The following ROBO2 variants were observed in gnomAD, a reference collection of about 807,000 sequenced individuals.
The protein encoded by ROBO2 is roundabout guidance receptor 2, also known as roundabout homolog 2.
A neutral mutation model predicts 160.8 loss-of-function variants in ROBO2; 53 were observed. That is an observed-to-expected ratio of 0.33 (90% CI 0.26 to 0.41). The LOEUF (loss-of-function observed/expected upper bound fraction) is 0.41, where lower values mean the gene tolerates loss of function less well. Among genes scored for constraint, ROBO2 ranks in the 10% least tolerant of loss-of-function variants. The probability of loss-of-function intolerance (pLI) is 1.00; values close to 1 mark genes in which losing one functional copy is unlikely to be tolerated. For missense variants in ROBO2, 1,577 were observed against 1,722.4 expected, an observed-to-expected ratio of 0.92 and a Z score of 1.49; for synonymous variants, 664 against 611.7, an observed-to-expected ratio of 1.09 and a Z score of -1.26.
At chr3:76,851,990 A>G (rs1577044055) in intron 2 of ROBO2, among the ~76,000 whole-genome samples, 2 of 152,224 alleles carry the variant, frequency 1.3e-5, no homozygotes, top group African/African-American at 4.8e-5. Context: ...AAGAAAAACT[A>G]CAGAGTAAAA....
chr3:76,676,760 G>A (rs2092421092), intron 2 of ROBO2, among the ~76,000 whole-genome samples: 1 of 152,098 alleles, frequency 6.6e-6, no homozygotes, highest in Admixed American at 6.6e-5. Flanking sequence ...CTGCGAACAT[G>A]TTGCATAAAT....
At chr3:77,090,479 G>A (rs1044295493) in intron 1 of ROBO2, among the ~76,000 whole-genome samples, 31 of 150,880 alleles carry the variant, frequency 2.1e-4, no homozygotes, top group Admixed American at 1.7e-3. Context: ...TCAGTCTCCC[G>A]AGTAGCTGGG....
chr3:76,142,486 AG>A (rs1348447672), intron 2 of ROBO2, among the ~76,000 whole-genome samples: 2 of 152,106 alleles, frequency 1.3e-5, no homozygotes, highest in Non-Finnish European at 2.9e-5. Flanking sequence ...CAGCCACAAA[AG>A]AATGAGATCC....
At chr3:76,158,150 A>T (rs1559600462) in intron 2 of ROBO2, among the ~76,000 whole-genome samples, 1 of 152,126 alleles carries the variant, frequency 6.6e-6, no homozygotes. Context: ...CTACAGCAGA[A>T]GTATTCCCAG....
chr3:77,221,854 C>CTTTTTTTTTTT (rs5850317), intron 2 of ROBO2, among the ~76,000 whole-genome samples: 4 of 140,284 alleles, frequency 2.9e-5, no homozygotes, highest in East Asian at 2.1e-4. Context: ...TTTTCTTTTT[C>CTTTTTTTTTTT]TTTTTTTTTT....
At chr3:77,598,464 A>G (rs1001421225) in intron 19 of ROBO2, among the ~76,000 whole-genome samples, 2 of 146,452 alleles carry the variant, frequency 1.4e-5, no homozygotes, top group African/African-American at 5.0e-5. Context: ...TATATAGAAT[A>G]TATATATTTA....
chr3:76,736,242 C>A (rs1382837806), intron 2 of ROBO2, among the ~76,000 whole-genome samples: 14 of 126,528 alleles, frequency 1.1e-4, no homozygotes, highest in Non-Finnish European at 1.9e-4. Flanking sequence ...AGATCGCGTC[C>A]CTGCACTCCA....
chr3:77,199,801 G>GT (rs796863678), intron 2 of ROBO2, among the ~76,000 whole-genome samples: 53 of 66,492 alleles, frequency 8.0e-4, no homozygotes, highest in African/African-American at 1.7e-3. Context: ...TTTTTTTTTT[G>GT]TTGTTTATAG....
chr3:76,112,926 T>C (rs1336306974), intron 2 of ROBO2, among the ~76,000 whole-genome samples: 1 of 152,108 alleles, frequency 6.6e-6, no homozygotes, highest in East Asian at 1.9e-4. Context: ...GATATAATAC[T>C]TTAAAAATAA....
intron 6 of ROBO2, among the ~76,000 whole-genome samples, chr3:77,534,718 C>A (rs889976786): frequency 6.6e-6 from 1 of 151,988 alleles, no homozygotes; most frequent in Non-Finnish European, 1.5e-5. Context: ...ATCTGAATGC[C>A]TTTTAAAATC....
At chr3:76,948,536 A>G (rs2078710256) in intron 2 of ROBO2, among the ~76,000 whole-genome samples, 1 of 148,150 alleles carries the variant, frequency 6.7e-6, no homozygotes, top group African/African-American at 2.5e-5. Flanking sequence ...GTTGTACTTA[A>G]TCTGATGTTC....
chr3:76,439,165 T>C (rs1361680782), intron 2 of ROBO2, among the ~76,000 whole-genome samples: 3 of 152,176 alleles, frequency 2.0e-5, no homozygotes, highest in African/African-American at 7.2e-5. Context: ...ATGTATTCAA[T>C]GCCAACTGCA....
intron 2 of ROBO2, among the ~76,000 whole-genome samples, chr3:76,813,402 C>T (rs1178733634): frequency 6.6e-6 from 1 of 151,824 alleles, no homozygotes; most frequent in Non-Finnish European, 1.5e-5. Context: ...AATTGTTTTG[C>T]CCATCGTTTT....
chr3:76,727,459 A>G (rs1175761706), intron 2 of ROBO2, among the ~76,000 whole-genome samples: 1 of 152,154 alleles, frequency 6.6e-6, no homozygotes, highest in South Asian at 2.1e-4. Flanking sequence ...TTTTATTTTC[A>G]TTCATTCAAC....
chr3:76,334,349 G>A (rs936866661), intron 2 of ROBO2, among the ~76,000 whole-genome samples: 1 of 152,146 alleles, frequency 6.6e-6, no homozygotes, highest in African/African-American at 2.4e-5. Context: ...TGCTTGGGAT[G>A]TAGAAGTTGG....
chr3:76,544,785 T>C (rs554861144), intron 2 of ROBO2, among the ~76,000 whole-genome samples: 2 of 152,100 alleles, frequency 1.3e-5, no homozygotes, highest in East Asian at 3.9e-4. Flanking sequence ...ATGATGCCCG[T>C]TAAATTAGTC....
intron 2 of ROBO2, among the ~76,000 whole-genome samples, chr3:76,616,846 A>T (rs1233722092): frequency 6.6e-6 from 1 of 152,114 alleles, no homozygotes; most frequent in African/African-American, 2.4e-5. Context: ...ACTACAGCTC[A>T]AACTCCGGGG....
Position 76,073,267 on chromosome 3 carries a change from C to CTTTTTTT in ROBO2, c.109+135703_109+135709dup, listed in dbSNP as rs869307615. Reference sequence around the variant, plus strand: ...TTGTAAACTTCTCAGAATGAGTATTCTTTTTTTTTTTTTTTTTTTTTTTTT... The same window carrying CTTTTTTT: ...TTGTAAACTTCTCAGAATGAGTATTCTTTTTTTTTTTTTTTTTTTTTTTTTTTTTTTT... On this transcript the variant is annotated intron_variant, in intron 2 of 26. Coordinates refer to the ROBO2 transcript ENST00000487694. Among the ~76,000 whole-genome samples, 81 of 57,388 alleles carry CTTTTTTT rather than the reference C, an allele frequency of 1.4e-3. 18 individuals carry two copies. Among genetic ancestry groups the CTTTTTTT allele is most frequent in the Non-Finnish European group, 2.3e-3 (66 of 28,416 alleles). The allele number at this position is 57,388 out of a possible 152,430, so 37.6% of individuals were successfully genotyped here. A position where few individuals can be genotyped will look rare whatever the true frequency, so the allele number is the denominator to read the frequency against.
At chr3:76,890,558 C>A (rs2074271645) in intron 2 of ROBO2, among the ~76,000 whole-genome samples, 1 of 152,040 alleles carries the variant, frequency 6.6e-6, no homozygotes, top group Non-Finnish European at 1.5e-5. Flanking sequence ...CTTAGGATGA[C>A]TTCTGGTGTG....
Sources: allele counts gnomAD v4.1 joint callset (sites outside exome capture counted in the v4.1 genomes callset), GRCh38; gene constraint gnomAD v4.1.1; transcripts MANE v1.5; gene names NCBI Gene and HGNC (gene_info 2026-07-23, HGNC 2026-07-21).